The following AKAP13 variants were observed in gnomAD, a reference collection of about 807,000 sequenced individuals.
The protein encoded by AKAP13 is A-kinase anchor protein 13.
In AKAP13, 80 loss-of-function variants were observed where a neutral mutation model predicts 264.5. The observed-to-expected ratio is 0.30, with a 90% confidence interval of 0.25 to 0.36. AKAP13 has a LOEUF of 0.36. AKAP13 is among the 10% of genes least tolerant of loss of function. The probability of loss-of-function intolerance (pLI) is 1.00; values close to 1 mark genes in which losing one functional copy is unlikely to be tolerated. For missense variants in AKAP13, 3,712 were observed against 3,435.2 expected (o/e 1.08, Z -2.01); for synonymous variants, 1,380 against 1,250.2 (o/e 1.10, Z -2.19).
At chr15:85,519,472 G>C (rs1262804949) in intron 2 of AKAP13, among the ~76,000 whole-genome samples, 2 of 152,152 alleles carry the variant, frequency 1.3e-5, no homozygotes, top group South Asian at 2.1e-4. Flanking sequence ...TTTTCAGGCT[G>C]TGAGGATATT....
At chr15:85,434,070 T>C (rs184986550) in intron 1 of AKAP13, among the ~76,000 whole-genome samples, 1,374 of 133,826 alleles carry the variant, frequency 0.01, 14 homozygotes, top group Middle Eastern at 0.018. Flanking sequence ...GTACCAGGTT[T>C]ATCTCACTAG....
intron 8 of AKAP13, among the ~76,000 whole-genome samples, chr15:85,592,023 G>A (rs1023711620): frequency 2.8e-5 from 4 of 142,314 alleles, no homozygotes; most frequent in South Asian, 2.3e-4. Flanking sequence ...AATCAAGAAA[G>A]CATTTAAAAT....
chr15:85,735,603 A>T lies in AKAP13; in HGVS notation c.7485A>T (p.Arg2495Ser). 1.2e-6 allele frequency: 2 copies of T among 1,613,466 alleles called. No homozygotes were observed. Among genetic ancestry groups the T allele is most frequent in the Non-Finnish European group, 1.7e-6 (2 of 1,179,802 alleles). Reference sequence around the variant, plus strand: ...GAGATGATGGCCAAGATCTTAGGAGAACGGAATCAGATAGTGGCCTAAAAA... The same window carrying T: ...GAGATGATGGCCAAGATCTTAGGAGTACGGAATCAGATAGTGGCCTAAAAA... ...EEGDDGQDLR[R>S]TESDSGLKKG... Residue 2495 changes from arginine (R) to serine (S), a missense_variant, in exon 32 of 37, where the codon AGA becomes AGT. This residue lies in a region of AKAP13 where 611 missense variants were observed against 539.3 expected (regional missense o/e 1.13). Transcript: ENST00000394518.
chr15:85,713,640 G>C (rs2086754244), intron 19 of AKAP13, among the ~76,000 whole-genome samples: 1 of 152,024 alleles, frequency 6.6e-6, no homozygotes, highest in Non-Finnish European at 1.5e-5. Context: ...GCTAGAATCT[G>C]GTCAGGTTTT....
chr15:85,694,124 G>A (rs1414929619), intron 17 of AKAP13, among the ~76,000 whole-genome samples: 1 of 152,166 alleles, frequency 6.6e-6, no homozygotes, highest in Non-Finnish European at 1.5e-5. Context: ...GTGGTCTTCT[G>A]TTAGATCATA....
Position 85,560,386 on chromosome 15 carries a change from A to G in AKAP13, c.663-14745A>G, listed in dbSNP as rs150497374. The stretch of plus-strand genomic sequence containing the variant: ...GGTCTTGAACTCTTAGCCTCAAGCA[A>G]TCTTCTCACCTCAGCCTCCCAAAGT... On this transcript the variant is annotated intron_variant, in intron 5 of 36. Transcript: ENST00000394518. 7.2e-3 allele frequency among the ~76,000 whole-genome samples: 1,092 copies of G among 152,116 alleles called. 6 individuals are homozygous for G. The highest frequency in any genetic ancestry group is 0.012 in the Non-Finnish European group (819 of 67,994).
chr15:85,590,181 G>T (rs1229121110), intron 8 of AKAP13, among the ~76,000 whole-genome samples: 1 of 152,172 alleles, frequency 6.6e-6, no homozygotes, highest in Non-Finnish European at 1.5e-5. Flanking sequence ...ATGTAAAATA[G>T]AACAAATTCC....
At chr15:85,561,424 C>G (rs1180508635) in intron 5 of AKAP13, among the ~76,000 whole-genome samples, 7 of 152,180 alleles carry the variant, frequency 4.6e-5, no homozygotes, top group Non-Finnish European at 7.3e-5. Flanking sequence ...TAAAAGGTTA[C>G]TTTAGTGAGA....
At chr15:85,539,220 C>T (rs2077505096) in intron 4 of AKAP13, among the ~76,000 whole-genome samples, 1 of 151,974 alleles carries the variant, frequency 6.6e-6, no homozygotes, top group Admixed American at 6.6e-5. Flanking sequence ...TTCCCCTTGG[C>T]AGAAGATTAA....
intron 1 of AKAP13, among the ~76,000 whole-genome samples, chr15:85,464,962 A>G (rs540193789): frequency 6.6e-6 from 1 of 151,930 alleles, no homozygotes; most frequent in African/African-American, 2.4e-5. Context: ...TTTTTTTGAG[A>G]TGGAGCCTTG....
chr15:85,482,305 A>G (rs1018260270), intron 1 of AKAP13, among the ~76,000 whole-genome samples: 1 of 152,072 alleles, frequency 6.6e-6, no homozygotes, highest in Non-Finnish European at 1.5e-5. Context: ...CTCATTTGCT[A>G]TTCCTTCTTC....
intron 17 of AKAP13, among the ~76,000 whole-genome samples, chr15:85,697,479 G>T (rs1442037577): frequency 6.6e-6 from 1 of 152,200 alleles, no homozygotes; most frequent in Non-Finnish European, 1.5e-5. Flanking sequence ...TGAGGCAGGA[G>T]AATCTCTTGA....
At chr15:85,531,691 C>T (rs572059527) in intron 3 of AKAP13, among the ~76,000 whole-genome samples, 6 of 152,176 alleles carry the variant, frequency 3.9e-5, no homozygotes, top group African/African-American at 1.4e-4. Context: ...CTCGCACTTG[C>T]ACACACACAC....
At chr15:85,733,089 G>T (rs1338369366) in intron 30 of AKAP13, among the ~76,000 whole-genome samples, 1 of 152,168 alleles carries the variant, frequency 6.6e-6, no homozygotes, top group Non-Finnish European at 1.5e-5. Context: ...TCTTAGGTCA[G>T]TCACCCTCTA....
intron 3 of AKAP13, among the ~76,000 whole-genome samples, chr15:85,523,523 C>G (rs528343556): frequency 6.6e-6 from 1 of 152,158 alleles, no homozygotes; most frequent in Admixed American, 6.5e-5. Context: ...TCCCTATCCC[C>G]CTTTCCTGCT....
chr15:85,575,194 T>G lies in AKAP13; in HGVS notation c.726T>G (p.Cys242Trp). ...SLSYEIPYGD[C>W]SVRHHRELDI... ...CCTATGAAATACCGTATGGAGACTGTTCTGTGAGGCATCATCGAGAGTTGG... is the reference window on the plus strand; with the variant it reads ...CCTATGAAATACCGTATGGAGACTGGTCTGTGAGGCATCATCGAGAGTTGG... Residue 242 changes from cysteine to tryptophan, a missense_variant, in exon 6 of 37, where the codon TGT (cysteine) becomes TGG (tryptophan). Around this residue, in one of 3 missense-constraint regions of AKAP13, gnomAD observed 2,759 missense variants for 2,411.7 expected, o/e 1.14. Coordinates refer to ENST00000394518, the MANE Select transcript of AKAP13 (RefSeq NM_007200.5). 1.2e-6 allele frequency: 2 copies of G among 1,614,150 alleles called. No individual in the cohort carries two copies. Among genetic ancestry groups the G allele is most frequent in the Non-Finnish European group, 1.7e-6 (2 of 1,180,016 alleles).
chr15:85,568,687 T>G (rs561156618), intron 5 of AKAP13, among the ~76,000 whole-genome samples: 2 of 152,278 alleles, frequency 1.3e-5, no homozygotes, highest in African/African-American at 4.8e-5. Context: ...GCTTTATATA[T>G]CTATACAGTA....
intron 2 of AKAP13, among the ~76,000 whole-genome samples, chr15:85,508,343 G>T (rs1278165391): frequency 6.6e-6 from 1 of 151,794 alleles, no homozygotes; most frequent in Non-Finnish European, 1.5e-5. Context: ...GGGTTTTGCT[G>T]TGTTGCCCAG....
chr15:85,574,836 G>T (rs1027568373), intron 5 of AKAP13, among the ~76,000 whole-genome samples: 1 of 152,030 alleles, frequency 6.6e-6, no homozygotes, highest in East Asian at 1.9e-4. Context: ...CTCATTACTT[G>T]GTTGTTAGCA....
Sources: gnomAD v4.1 joint callset for allele counts (sites outside exome capture counted in the v4.1 genomes callset) on GRCh38, gnomAD v4.1.1 for gene constraint, gnomAD v4.1.1 regional missense constraint, MANE v1.5 for transcripts, NCBI Gene and HGNC (gene_info 2026-07-23, HGNC 2026-07-21) for gene names.